Variants in ITGA1 observed in about 807,000 individuals in gnomAD.
ITGA1 encodes the protein integrin subunit alpha 1.
ITGA1 carries 85 observed loss-of-function variants against 145.9 expected under a neutral mutation model. The ratio of observed to expected loss-of-function variants is 0.58; its 90% CI spans 0.49 to 0.70. The LOEUF (loss-of-function observed/expected upper bound fraction) is 0.70. ITGA1 is among the 30% of genes least tolerant of loss of function. The pLI, the probability that ITGA1 is intolerant of heterozygous loss-of-function variation, is 0.00. For synonymous variants in ITGA1, 520 were observed against 495.3 expected, an observed-to-expected ratio of 1.05 and a Z score of -0.66; for missense variants, 1,351 against 1,418.7, an observed-to-expected ratio of 0.95 and a Z score of 0.77.
intron 9 of ITGA1, among the ~76,000 whole-genome samples, chr5:52,897,108 A>T (rs1273094007): frequency 6.6e-6 from 1 of 152,118 alleles, no homozygotes; most frequent in African/African-American, 2.4e-5. Flanking sequence ...TTTGGACAGG[A>T]ATTTCCTACT....
chr5:52,854,469 T>A (rs1749476880), intron 2 of ITGA1, among the ~76,000 whole-genome samples: 1 of 152,086 alleles, frequency 6.6e-6, no homozygotes, highest in Non-Finnish European at 1.5e-5. Context: ...TATGAGCAAA[T>A]CACTGCAGTT....
intron 26 of ITGA1, among the ~76,000 whole-genome samples, chr5:52,944,140 G>T (rs1244100306): frequency 1.3e-5 from 2 of 152,126 alleles, no homozygotes; most frequent in African/African-American, 2.4e-5. Flanking sequence ...GGAGTCCGAG[G>T]GGATGGGCAC....
intron 1 of ITGA1, among the ~76,000 whole-genome samples, chr5:52,812,828 C>T (rs1748704520): frequency 8.5e-6 from 1 of 117,622 alleles, no homozygotes; most frequent in African/African-American, 3.4e-5. Context: ...GCCAAATACA[C>T]CACTTGGGCA....
chr5:52,892,466 CT>C (rs1750166212), intron 8 of ITGA1, among the ~76,000 whole-genome samples: 1 of 152,140 alleles, frequency 6.6e-6, no homozygotes, highest in Non-Finnish European at 1.5e-5. Flanking sequence ...TAATCATTCA[CT>C]TATTGTATGA....
At chr5:52,919,786 A>G (rs1750704499) in intron 16 of ITGA1, among the ~76,000 whole-genome samples, 2 of 152,184 alleles carry the variant, frequency 1.3e-5, no homozygotes, top group African/African-American at 4.8e-5. Context: ...CTTCATATAC[A>G]GTGTAAGATT....
At chr5:52,904,807 C>T (rs1356312269) in intron 11 of ITGA1, 3 of 149,270 alleles carry the variant, frequency 2.0e-5, no homozygotes, top group Non-Finnish European at 4.4e-5. Flanking sequence ...GAGCCGAGAT[C>T]GCGCCACTGC....
At chr5:52,876,353 G>A (rs191762228) in intron 6 of ITGA1, among the ~76,000 whole-genome samples, 1 of 152,148 alleles carries the variant, frequency 6.6e-6, no homozygotes, top group Admixed American at 6.6e-5. Flanking sequence ...CACTAGGTTA[G>A]TGCCAAAGTA....
intron 8 of ITGA1, among the ~76,000 whole-genome samples, chr5:52,890,879 C>T (rs1406689476): frequency 6.6e-6 from 1 of 152,190 alleles, no homozygotes; most frequent in Non-Finnish European, 1.5e-5. Flanking sequence ...CCCTGCTCTT[C>T]CCCACTACTC....
intron 1 of ITGA1, among the ~76,000 whole-genome samples, chr5:52,813,056 T>C (rs556881272): frequency 6.6e-6 from 1 of 152,280 alleles, no homozygotes; most frequent in Non-Finnish European, 1.5e-5. Flanking sequence ...AGACCCACTT[T>C]TGTGAGTTTT....
At position 52,854,381 on chromosome 5, in the gene ITGA1, C is replaced by T. The variant is rs562825654; in HGVS notation, c.182+4896C>T. Among the ~76,000 whole-genome samples, 10 of 152,256 alleles carry T rather than the reference C, an allele frequency of 6.6e-5. No individual in the cohort carries two copies. In the South Asian group the frequency reaches 8.3e-4, roughly 13 times the overall value. On this transcript the variant is annotated intron_variant, in intron 2 of 28. Coordinates refer to ENST00000282588, the MANE Select transcript of ITGA1 (RefSeq NM_181501.2). ...TATGCTTATTTTACATTGCTTCTAA[C>T]GCCTTTTGAAGTTGAAATTTCCTCA...
At chr5:52,897,368 G>A (rs1046152222) in intron 9 of ITGA1, 87 bp from the exon 10 acceptor site, 101 of 883,978 alleles carry the variant, frequency 1.1e-4, no homozygotes, top group Non-Finnish European at 1.1e-4. Context: ...AAGACCACAA[G>A]CTCTACCAGG....
intron 14 of ITGA1, among the ~76,000 whole-genome samples, 169 bp downstream of exon 14, chr5:52,910,588 TAC>T (rs1750490050): frequency 6.7e-6 from 1 of 149,972 alleles, no homozygotes; most frequent in East Asian, 1.9e-4. Context: ...TATATATATA[TAC>T]ACACACAAAC....
chr5:52,925,103 C>A (rs904070089), intron 18 of ITGA1, among the ~76,000 whole-genome samples, 175 bp from the exon 19 acceptor site: 2 of 152,200 alleles, frequency 1.3e-5, no homozygotes, highest in Non-Finnish European at 2.9e-5. Context: ...TTACTCTTCT[C>A]CCCTATAAAT....
chr5:52,910,959 CACTATATAT>C (rs1240539539), intron 14 of ITGA1, among the ~76,000 whole-genome samples: 7 of 127,452 alleles, frequency 5.5e-5, no homozygotes, highest in East Asian at 2.3e-4. Context: ...ATAGTATATA[CACTATATAT>C]ACTATATATA....
chr5:52,925,897 A>G (rs1750798398), intron 19 of ITGA1, among the ~76,000 whole-genome samples: 2 of 152,156 alleles, frequency 1.3e-5, no homozygotes, highest in African/African-American at 4.8e-5. Context: ...TTCTATGCAA[A>G]ATCCTTACTT....
intron 17 of ITGA1, among the ~76,000 whole-genome samples, chr5:52,921,377 T>C (rs975935737): frequency 1.3e-5 from 2 of 152,152 alleles, no homozygotes; most frequent in Non-Finnish European, 2.9e-5. Context: ...ACAGAAAATG[T>C]GCACCCTTTT....
At chr5:52,894,808 G>A (rs961024996) in intron 9 of ITGA1, among the ~76,000 whole-genome samples, 20 of 152,026 alleles carry the variant, frequency 1.3e-4, no homozygotes, top group African/African-American at 4.6e-4. Flanking sequence ...AGACAAAATG[G>A]GAATGAGACA....
intron 14 of ITGA1, among the ~76,000 whole-genome samples, chr5:52,910,683 T>C (rs1750493336): frequency 6.8e-6 from 1 of 147,328 alleles, no homozygotes; most frequent in Non-Finnish European, 1.5e-5. Context: ...ATACACACTA[T>C]ATATACTATA....
At chr5:52,855,201 A>T (rs561912281) in intron 2 of ITGA1, among the ~76,000 whole-genome samples, 1 of 152,176 alleles carries the variant, frequency 6.6e-6, no homozygotes, top group Non-Finnish European at 1.5e-5. Flanking sequence ...AGGATATGGA[A>T]CACCAGCCTT....
Sources: allele counts gnomAD v4.1 joint callset (sites outside exome capture counted in the v4.1 genomes callset), GRCh38; gene constraint gnomAD v4.1.1; transcripts MANE v1.5; gene names NCBI Gene and HGNC (gene_info 2026-07-23, HGNC 2026-07-21).